Variants in GPLD1 observed in about 807,000 individuals in gnomAD.
The protein encoded by GPLD1 is glycosylphosphatidylinositol specific phospholipase D1, also known as phosphatidylinositol-glycan-specific phospholipase D.
GPLD1 carries 84 observed loss-of-function variants against 112.6 expected under a neutral mutation model. The observed-to-expected ratio is 0.75, with a 90% CI of 0.63 to 0.89. The LOEUF is 0.89. Among genes scored for constraint, GPLD1 ranks in the 40% least tolerant of loss-of-function variants. The pLI is 0.00. For synonymous variants in GPLD1, 386 were observed against 403.8 expected, an observed-to-expected ratio of 0.96 and a Z score of 0.53; for missense variants, 1,044 against 1,051.5, an observed-to-expected ratio of 0.99 and a Z score of 0.10.
In GPLD1 at chr6:24,426,838, A is replaced by G. The variant is rs1762253412; in HGVS notation, c.*2194T>C. ...AATAATTGTCCCTAAACAAAACCAA[A>G]TGGCGCTTCCTTGTGCTTTTGCTGT... On this transcript the variant is annotated 3_prime_UTR_variant, in exon 25 of 25. Coordinates refer to ENST00000230036, the MANE Select transcript of GPLD1 (RefSeq NM_001503.4). Among the ~76,000 whole-genome samples the G allele has an allele frequency of 6.6e-6, 1 of 152,184 alleles. No individual in the cohort carries two copies. The highest frequency in any genetic ancestry group is 6.5e-5 in the Admixed American group (1 of 15,288).
chr6:24,495,260 C>T (rs759932020), upstream of GPLD1: 76 of 1,532,268 alleles, frequency 5.0e-5, no homozygotes, highest in Middle Eastern at 2.2e-4. Context: ...CCGCTCTGGG[C>T]ATGGTAGCCG....
intron 20 of GPLD1, among the ~76,000 whole-genome samples, chr6:24,442,095 A>AAAAGT: frequency 1.3e-5 from 2 of 149,966 alleles, no homozygotes; most frequent in Non-Finnish European, 3.0e-5. Context: ...ATACATACAT[A>AAAAGT]AAAGTTATAA....
chr6:24,462,099 A>G (rs1763456833), intron 11 of GPLD1, among the ~76,000 whole-genome samples: 1 of 152,182 alleles, frequency 6.6e-6, no homozygotes, highest in Non-Finnish European at 1.5e-5. Flanking sequence ...TGAGTAAGAC[A>G]ATAATATTGA....
At chr6:24,492,177 G>A (rs1364854796), upstream of GPLD1, among the ~76,000 whole-genome samples, 1 of 152,136 alleles carries the variant, frequency 6.6e-6, no homozygotes, top group Non-Finnish European at 1.5e-5. Context: ...GAAAGCCAGA[G>A]GGTCTCAAGC....
At chr6:24,487,925 G>C (rs1764430065) in intron 1 of GPLD1, among the ~76,000 whole-genome samples, 2 of 152,136 alleles carry the variant, frequency 1.3e-5, no homozygotes, top group Admixed American at 1.3e-4. Context: ...AAGAGAACTG[G>C]ACTCGGTGAC....
At chr6:24,453,734 TTTATATTATCAA>T (rs1279984106) in intron 14 of GPLD1, among the ~76,000 whole-genome samples, 2 of 143,658 alleles carry the variant, frequency 1.4e-5, no homozygotes, top group Non-Finnish European at 3.0e-5. Flanking sequence ...ATAAAGAGGT[TTTATATTATCAA>T]TTATATTATC....
intron 12 of GPLD1, among the ~76,000 whole-genome samples, chr6:24,456,957 G>A (rs765517419): frequency 9.9e-5 from 15 of 152,218 alleles, no homozygotes; most frequent in South Asian, 6.2e-4. Flanking sequence ...TGCAACCTCC[G>A]CCCCCTGGGT....
At position 24,463,416 on chromosome 6, in the gene GPLD1, C is replaced by A. The variant is rs111720708; in HGVS notation, c.822-621G>T. Among the ~76,000 whole-genome samples, 7 of 152,158 alleles carry A rather than the reference C, an allele frequency of 4.6e-5. No individual in the cohort carries two copies. The South Asian group carries it at 1.0e-3, about 23-fold the overall frequency. On this transcript the variant is annotated intron_variant, in intron 10 of 24. Coordinates refer to ENST00000230036, the MANE Select transcript of GPLD1 (RefSeq NM_001503.4). The stretch of plus-strand genomic sequence containing the variant: ...GTCACTGAGGGAGGCTGGGGTAATA[C>A]AAAAGTAATGTGGAGTGTAGGGGTG...
chr6:24,489,329 C>T lies in GPLD1; in HGVS notation c.97+86G>A, dbSNP rs115951700. 5.6e-3 allele frequency: 5,623 copies of T among 1,008,872 alleles called. 31 individuals carry two copies. The highest frequency in any genetic ancestry group is 7.2e-3 in the Middle Eastern group (35 of 4,852). The allele number at this position is 1,008,872 out of a possible 1,614,324, so 62.5% of individuals were successfully genotyped here. A position where few individuals can be genotyped will look rare whatever the true frequency, so the allele number is the denominator to read the frequency against. ...AGTGCCCAGGGGAAACTGTATCAAT[C>T]CACGAGCGGGATTTTCAGTCTCTTC... On this transcript the variant is annotated intron_variant, in intron 1 of 24. Coordinates refer to ENST00000230036, the MANE Select transcript of GPLD1 (RefSeq NM_001503.4).
intron 22 of GPLD1, among the ~76,000 whole-genome samples, chr6:24,434,093 G>A (rs1762493972): frequency 6.6e-6 from 1 of 151,944 alleles, no homozygotes; most frequent in Non-Finnish European, 1.5e-5. Context: ...TATATTGTTA[G>A]GTAGAAAGAA....
chr6:24,457,129 C>G (rs549307709), intron 12 of GPLD1, among the ~76,000 whole-genome samples: 1 of 152,306 alleles, frequency 6.6e-6, no homozygotes, highest in Admixed American at 6.5e-5. Context: ...CTCGGCTCCC[C>G]CAAAGTGCTG....
chr6:24,433,738 A>C (rs12333038), intron 22 of GPLD1, among the ~76,000 whole-genome samples: 3,672 of 151,510 alleles, frequency 0.024, 159 homozygotes, highest in African/African-American at 0.083. Context: ...CAGGTGATCC[A>C]CCCACCTCAG....
intron 3 of GPLD1, among the ~76,000 whole-genome samples, chr6:24,478,551 C>T (rs759799105): frequency 9.9e-5 from 15 of 152,208 alleles, no homozygotes; most frequent in Non-Finnish European, 2.1e-4. Context: ...TGTAGGGTGA[C>T]TCTGAGGTCA....
chr6:24,453,159 C>A (rs376230256), intron 14 of GPLD1, among the ~76,000 whole-genome samples: 1 of 152,174 alleles, frequency 6.6e-6, no homozygotes, highest in South Asian at 2.1e-4. Context: ...TGATGAATAA[C>A]CACTTAGGAC....
chr6:24,468,561 A>ATTT lies in GPLD1; in HGVS notation c.546-1290_546-1288dup, dbSNP rs199823696. ...ACATTTTACTTATTTTTTTATTTTTATTTTTTTTTTGAGATGGAGTCTCAC... is the reference window on the plus strand; with the variant it reads ...ACATTTTACTTATTTTTTTATTTTTATTTTTTTTTTTTTGAGATGGAGTCTCAC... On this transcript the variant is annotated intron_variant, in intron 7 of 24. Transcript: ENST00000230036. 1.9e-3 allele frequency among the ~76,000 whole-genome samples: 281 copies of ATTT among 148,602 alleles called. 4 individuals are homozygous for ATTT. The highest frequency in any genetic ancestry group is 1.6e-3 in the Non-Finnish European group (106 of 66,948).
At chr6:24,490,703 G>A (rs1764533348), upstream of GPLD1, among the ~76,000 whole-genome samples, 1 of 151,290 alleles carries the variant, frequency 6.6e-6, no homozygotes, top group Non-Finnish European at 1.5e-5. Flanking sequence ...GGTGAGCCGA[G>A]ATTGCACCAC....
intron 7 of GPLD1, among the ~76,000 whole-genome samples, chr6:24,469,918 T>G (rs1340164200): frequency 6.6e-6 from 1 of 152,074 alleles, no homozygotes; most frequent in Non-Finnish European, 1.5e-5. Context: ...GGAATGGCAT[T>G]CCCAATAAAA....
chr6:24,478,280 G>C (rs1389231274), intron 3 of GPLD1, among the ~76,000 whole-genome samples: 2 of 152,176 alleles, frequency 1.3e-5, no homozygotes, highest in African/African-American at 4.8e-5. Flanking sequence ...ATAGGATTGA[G>C]AAATGATAGT....
chr6:24,494,415 A>G (rs542418472), upstream of GPLD1, among the ~76,000 whole-genome samples: 37 of 152,258 alleles, frequency 2.4e-4, no homozygotes, highest in African/African-American at 8.9e-4. Context: ...CACACACCCA[A>G]AAAAGCAGCC....
Sources: allele counts gnomAD v4.1 joint callset (sites outside exome capture counted in the v4.1 genomes callset), GRCh38; gene constraint gnomAD v4.1.1; transcripts MANE v1.5; gene names NCBI Gene and HGNC (gene_info 2026-07-23, HGNC 2026-07-21).